Variants in PCDHGA3 observed in about 807,000 individuals in gnomAD.
PCDHGA3 encodes the protein protocadherin gamma-A3.
In PCDHGA3, 40 loss-of-function variants were observed where a neutral mutation model predicts 58.5. That is an observed-to-expected ratio of 0.68 (90% CI 0.53 to 0.89). The LOEUF (loss-of-function observed/expected upper bound fraction) is 0.89, where lower values mean the gene tolerates loss of function less well. Ranked by LOEUF, PCDHGA3 falls within the 40% of genes least tolerant of loss-of-function variation. The pLI is 0.00. For synonymous variants in PCDHGA3, 530 were observed against 525.7 expected (o/e 1.01, Z -0.11); for missense variants, 1,223 against 1,195.9 (o/e 1.02, Z -0.33).
rs1310685846 is a variant in PCDHGA3, at chr5:141,423,037, T to C, written c.2425-71770T>C. ...GGACAAAGATTCAGGCCAGAACGCCTGGCTGTCCTATCGCCTGCTTAAGGC... is the reference window on the plus strand; with the variant it reads ...GGACAAAGATTCAGGCCAGAACGCCCGGCTGTCCTATCGCCTGCTTAAGGC... On this transcript the variant is annotated intron_variant, in intron 1 of 3. Transcript: ENST00000253812. 5 of 1,614,086 alleles carry C rather than the reference T, an allele frequency of 3.1e-6. No homozygotes were observed. In the African/African-American group the frequency reaches 5.3e-5, roughly 17 times the overall value.
chr5:141,365,229 A>G (rs1356332881), intron 1 of PCDHGA3: 2 of 1,613,824 alleles, frequency 1.2e-6, no homozygotes, highest in Non-Finnish European at 1.7e-6. Flanking sequence ...AACCTGGGGG[A>G]AATCTCAACT....
chr5:141,458,404 G>A lies in PCDHGA3; in HGVS notation c.2425-36403G>A, dbSNP rs183963289. Among the ~76,000 whole-genome samples the A allele has an allele frequency of 4.6e-5, 7 of 152,218 alleles. No homozygotes were observed. The East Asian group carries it at 5.8e-4, about 13-fold the overall frequency. ...GGAAGACGCTCCCCCTTGCAGAGAC[G>A]GAGCGGGGGTTCCAAAGCTGAAAGA... On this transcript the variant is annotated intron_variant, in intron 1 of 3. Transcript: ENST00000253812.
At chr5:141,425,159 G>T (rs557552439) in intron 1 of PCDHGA3, among the ~76,000 whole-genome samples, 1 of 152,244 alleles carries the variant, frequency 6.6e-6, no homozygotes, top group Non-Finnish European at 1.5e-5. Context: ...AGCATCTAGG[G>T]ATAGGATTTA....
At chr5:141,421,318 C>A (rs370020854) in intron 1 of PCDHGA3, 1 of 1,613,822 alleles carries the variant, frequency 6.2e-7, no homozygotes. Context: ...CCGGGCCAGG[C>A]AGATCCGATA....
Position 141,345,881 on chromosome 5 carries a change from CTT to C in PCDHGA3, c.1849_1850del (p.Phe617LeufsTer169), listed in dbSNP as rs1561491076. On this transcript the variant is annotated frameshift_variant, in exon 1 of 4. Coordinates refer to ENST00000253812, the MANE Select transcript of PCDHGA3 (RefSeq NM_018916.4). LOFTEE classifies it high-confidence loss of function. ...TGCTCAAGGCCAGCGAGCCGGGACT[CTT>C]CTCGGTGGGTCTGCACACGGGCGAG... ...RLLKASEPGL[F>X]SVGLHTGEVR... 6.2e-7 allele frequency: 1 copy of C among 1,613,436 alleles called. No homozygotes were observed. The highest frequency in any genetic ancestry group is 1.7e-5 in the Admixed American group (1 of 59,996).
At chr5:141,494,250 G>C (rs908660385) in intron 1 of PCDHGA3, among the ~76,000 whole-genome samples, 3 of 152,182 alleles carry the variant, frequency 2.0e-5, no homozygotes, top group African/African-American at 7.2e-5. Flanking sequence ...TTTAGCTGTG[G>C]GAAGAGATTC....
intron 1 of PCDHGA3, chr5:141,384,840 G>C: frequency 6.2e-7 from 1 of 1,613,610 alleles, no homozygotes; most frequent in African/African-American, 1.3e-5. Flanking sequence ...TGGCCGTCCA[G>C]GACCACGGTC....
At chr5:141,350,308 T>C (rs1398850020) in intron 1 of PCDHGA3, 1 of 1,522,230 alleles carries the variant, frequency 6.6e-7, no homozygotes, top group Admixed American at 2.2e-5. Context: ...AGGTACTGTT[T>C]CCCTTCCTGC....
At chr5:141,463,338 G>A (rs1005543705) in intron 1 of PCDHGA3, among the ~76,000 whole-genome samples, 2 of 150,742 alleles carry the variant, frequency 1.3e-5, no homozygotes, top group African/African-American at 2.4e-5. Flanking sequence ...CAAAACCATG[G>A]TGTTATTCTT....
intron 1 of PCDHGA3, chr5:141,374,470 T>C (rs1171171112): frequency 6.2e-7 from 1 of 1,612,516 alleles, no homozygotes; most frequent in Admixed American, 1.7e-5. Context: ...TTAATGACAA[T>C]ACACCCCGAT....
At chr5:141,421,789 G>A (rs756677817) in intron 1 of PCDHGA3, 5 of 1,613,830 alleles carry the variant, frequency 3.1e-6, no homozygotes, top group East Asian at 2.2e-5. Context: ...GGGCAGAACG[G>A]ATGGGGCCAA....
In PCDHGA3 at chr5:141,432,704, C is replaced by T; in HGVS notation, c.2425-62103C>T. ...GAGCCTCGTAGTGGCCGTCCAGGAC[C>T]ACGGCCAGCCCCCTCTCTCCGCCAC... is the stretch of plus-strand genomic sequence containing the variant. On this transcript the variant is annotated intron_variant, in intron 1 of 3. Coordinates refer to ENST00000253812, the MANE Select transcript of PCDHGA3 (RefSeq NM_018916.4). The surrounding 1 kb of genome is among the most constrained non-coding windows in gnomAD (Gnocchi z 6.0). The T allele has an allele frequency of 6.2e-7, 1 of 1,613,966 alleles. No homozygotes were observed. The highest frequency in any genetic ancestry group is 8.5e-7 in the Non-Finnish European group (1 of 1,179,976).
Position 141,438,643 on chromosome 5 carries a change from C to CATAT in PCDHGA3, c.2425-56163_2425-56162insTATA, listed in dbSNP as rs1213792286. ...ATATATATATATATATATACACACACACACACACATATATGTATATATATA... is the reference window on the plus strand; with the variant it reads ...ATATATATATATATATATACACACACATATACACACACATATATGTATATATATA... On this transcript the variant is annotated intron_variant, in intron 1 of 3. Transcript: ENST00000253812. Among the ~76,000 whole-genome samples, 345 of 117,382 alleles carry CATAT rather than the reference C, an allele frequency of 2.9e-3. 2 individuals are homozygous for CATAT. Among genetic ancestry groups the CATAT allele is most frequent in the Admixed American group, 6.8e-3 (78 of 11,434 alleles). 77.0% of individuals were successfully genotyped at this position (117,382 alleles called of 152,430 possible). A position where few individuals can be genotyped will look rare whatever the true frequency, so the allele number is the denominator to read the frequency against.
chr5:141,447,135 GT>G (rs905717632), intron 1 of PCDHGA3, among the ~76,000 whole-genome samples: 1 of 151,698 alleles, frequency 6.6e-6, no homozygotes, highest in South Asian at 2.1e-4. Flanking sequence ...TTGTTTGTTT[GT>G]TTTTTGTTTT....
chr5:141,372,259 G>A (rs1229622208), intron 1 of PCDHGA3: 9 of 1,613,108 alleles, frequency 5.6e-6, no homozygotes, highest in Non-Finnish European at 7.6e-6. Context: ...CTGGGCCTGC[G>A]CACGGGTGAG....
chr5:141,422,973 T>G (rs1157516415), intron 1 of PCDHGA3: 1 of 1,614,102 alleles, frequency 6.2e-7, no homozygotes, highest in Non-Finnish European at 8.5e-7. Flanking sequence ...CGCCCCGCTC[T>G]GCGGAACCTG....
intron 1 of PCDHGA3, chr5:141,416,537 G>T (rs2096038948): frequency 6.6e-6 from 1 of 152,082 alleles, no homozygotes; most frequent in Admixed American, 6.6e-5. Context: ...AATGTATAAG[G>T]AGGCAAACAC....
chr5:141,423,760 G>T, intron 1 of PCDHGA3: 23 of 279,644 alleles, frequency 8.2e-5, no homozygotes, highest in South Asian at 2.0e-4. Flanking sequence ...TGGGGGGGGG[G>T]TGGGGCGGCA....
At chr5:141,389,114 C>T in intron 1 of PCDHGA3, 2 of 1,614,004 alleles carry the variant, frequency 1.2e-6, no homozygotes, top group Non-Finnish European at 1.7e-6. Context: ...TTCTAGACCG[C>T]GAGCAGAATC....
Sources: gnomAD v4.1 joint callset for allele counts (sites outside exome capture counted in the v4.1 genomes callset) on GRCh38, gnomAD v4.1.1 for gene constraint, Gnocchi (gnomAD v3.1) non-coding constraint, MANE v1.5 for transcripts, NCBI Gene and HGNC (gene_info 2026-07-23, HGNC 2026-07-21) for gene names.